NDUFB2: variants seen among roughly 807,000 people sequenced by gnomAD.
The protein encoded by NDUFB2 is NADH:ubiquinone oxidoreductase subunit B2.
A neutral mutation model predicts 13.4 loss-of-function variants in NDUFB2; 13 were observed. The ratio of observed to expected loss-of-function variants is 0.97; its 90% CI spans 0.63 to 1.54. The LOEUF (loss-of-function observed/expected upper bound fraction) is 1.54, where lower values mean the gene tolerates loss of function less well. Ranked by LOEUF, NDUFB2 falls within the 40% of genes most tolerant of loss-of-function variation. The pLI is 0.00. For synonymous variants in NDUFB2, 47 were observed against 50.6 expected, an observed-to-expected ratio of 0.93 and a Z score of 0.30; for missense variants, 150 against 139.7, an observed-to-expected ratio of 1.07 and a Z score of -0.37.
chr7:140,703,153 A>T, intron 2 of NDUFB2, 143 bp downstream of exon 2: 1 of 965,304 alleles, frequency 1.0e-6, no homozygotes, highest in Non-Finnish European at 1.5e-6. Flanking sequence ...TATATACAAG[A>T]ATCCTGTTAT....
chr7:140,700,856 A>G (rs562757214), intron 1 of NDUFB2: 1 of 152,294 alleles, frequency 6.6e-6, no homozygotes, highest in Non-Finnish European at 1.5e-5. Flanking sequence ...ATAATGTAAT[A>G]TCTATATGCA....
chr7:140,697,960 A>G (rs896980096), intron 1 of NDUFB2: 4 of 1,278,376 alleles, frequency 3.1e-6, no homozygotes, highest in Non-Finnish European at 4.1e-6. Flanking sequence ...TCGGCCTCCC[A>G]AAGTGTTGGG....
At chr7:140,703,735 GTTAGTT>G (rs1378854964) in intron 2 of NDUFB2, among the ~76,000 whole-genome samples, 1 of 152,002 alleles carries the variant, frequency 6.6e-6, no homozygotes, top group African/African-American at 2.4e-5. Flanking sequence ...GAGAAGGGAA[GTTAGTT>G]TTAGTGATTT....
chr7:140,703,125 C>A, intron 2 of NDUFB2, 115 bp downstream of exon 2: 1 of 1,311,834 alleles, frequency 7.6e-7, no homozygotes, highest in Non-Finnish European at 1.1e-6. Flanking sequence ...CGCCCTTTGC[C>A]ACCACTTTTT....
intron 1 of NDUFB2, chr7:140,697,453 A>T: frequency 1.4e-6 from 1 of 699,552 alleles, no homozygotes; most frequent in Middle Eastern, 2.5e-4. Flanking sequence ...GGAGAGTGAC[A>T]GGCAGAGCCG....
intron 2 of NDUFB2, among the ~76,000 whole-genome samples, chr7:140,704,627 T>C (rs1794940907): frequency 6.6e-6 from 1 of 152,186 alleles, no homozygotes. Context: ...TACCATTGGC[T>C]TAGGCTGGTA....
intron 1 of NDUFB2, chr7:140,697,141 C>G (rs1794821044): frequency 5.1e-6 from 3 of 587,626 alleles, no homozygotes; most frequent in African/African-American, 3.9e-5. Flanking sequence ...CCAGTCGGCG[C>G]CGGCGCGGGC....
At chr7:140,698,256 G>A (rs754674043) in intron 1 of NDUFB2, 2 of 1,351,572 alleles carry the variant, frequency 1.5e-6, no homozygotes, top group Admixed American at 1.9e-5. Flanking sequence ...GGGGAATGCC[G>A]ATCTTCCCTG....
chr7:140,698,265 T>A (rs374625541), intron 1 of NDUFB2: 1 of 1,351,328 alleles, frequency 7.4e-7, no homozygotes, highest in African/African-American at 1.5e-5. Context: ...CGATCTTCCC[T>A]GAGGTGCTGG....
At chr7:140,697,951 C>T (rs1308950882) in intron 1 of NDUFB2, 20 of 1,257,804 alleles carry the variant, frequency 1.6e-5, no homozygotes, top group South Asian at 7.6e-5. Flanking sequence ...TCTCCAGCCT[C>T]GGCCTCCCAA....
At chr7:140,699,487 C>T (rs1794866979) in intron 1 of NDUFB2, among the ~76,000 whole-genome samples, 1 of 152,222 alleles carries the variant, frequency 6.6e-6, no homozygotes, top group Middle Eastern at 3.2e-3. Context: ...GGGTGCAAAT[C>T]TACCTGAGGA....
intron 1 of NDUFB2, chr7:140,700,679 C>T (rs1461590802): frequency 6.6e-6 from 1 of 151,846 alleles, no homozygotes; most frequent in African/African-American, 2.4e-5. Flanking sequence ...ATCCCAGCTA[C>T]TCGGGAGGCT....
At chr7:140,700,509 GGGCACAGTGT>G (rs1159162952) in intron 1 of NDUFB2, among the ~76,000 whole-genome samples, 5 of 151,710 alleles carry the variant, frequency 3.3e-5, no homozygotes, top group African/African-American at 1.2e-4. Context: ...GCTCTTGGCC[GGGCACAGTGT>G]GGCTCACGCC....
At chr7:140,701,105 A>G (rs550216430) in intron 1 of NDUFB2, 30 of 151,552 alleles carry the variant, frequency 2.0e-4, no homozygotes, top group Admixed American at 1.1e-3. Context: ...GACTATTTAG[A>G]AAAAAAAATG....
rs551065668 is a variant in NDUFB2 at position 140,705,124 on chromosome 7, G to C, written c.*29+161G>C. ...TGCTTTTTTTTTTTTTTTTGAGACA[G>C]AGTCTTGCTCTGTCGCCCAGACTGG... On this transcript the variant is annotated intron_variant, in intron 3 of 3. Transcript: ENST00000247866. 3 of 421,714 alleles carry C rather than the reference G, an allele frequency of 7.1e-6. No individual in the cohort carries two copies. The East Asian group carries it at 1.1e-4, about 16-fold the overall frequency. 26.1% of individuals were successfully genotyped at this position (421,714 alleles called of 1,614,324 possible).
At chr7:140,703,998 A>G (rs926132935) in intron 2 of NDUFB2, among the ~76,000 whole-genome samples, 1 of 151,882 alleles carries the variant, frequency 6.6e-6, no homozygotes, top group African/African-American at 2.4e-5. Context: ...CTCATGATCC[A>G]CCTGCCTTGG....
intron 3 of NDUFB2, among the ~76,000 whole-genome samples, chr7:140,705,914 T>C (rs899094110): frequency 1.3e-5 from 2 of 152,148 alleles, no homozygotes; most frequent in Non-Finnish European, 2.9e-5. Context: ...GAATTTTTCT[T>C]CTTTAAAAAG....
At chr7:140,698,122 A>AC (rs1563214165) in intron 1 of NDUFB2, 1 of 1,351,762 alleles carries the variant, frequency 7.4e-7, no homozygotes, top group African/African-American at 1.5e-5. Flanking sequence ...GAAGTCCCAC[A>AC]TGGATGAAGA....
rs774797735 is a variant in NDUFB2, at chr7:140,706,621, T to G, written c.*88T>G. 1 of 142,296 alleles carries G rather than the reference T, an allele frequency of 7.0e-6. No individual in the cohort carries two copies. The highest frequency in any genetic ancestry group is 1.5e-5 in the Non-Finnish European group (1 of 66,546). The allele number at this position is 142,296 out of a possible 1,614,324, so 8.8% of individuals were successfully genotyped here. On this transcript the variant is annotated 3_prime_UTR_variant, in exon 4 of 4. Transcript: ENST00000247866. ...CATATTGCACATTAAAGTTACAAAT[T>G]AAAGTGGCTTGGTCAAGAATGAGAA...
Sources: allele counts gnomAD v4.1 joint callset (sites outside exome capture counted in the v4.1 genomes callset), GRCh38; gene constraint gnomAD v4.1.1; transcripts MANE v1.5; gene names NCBI Gene and HGNC (gene_info 2026-07-23, HGNC 2026-07-21).